PTPN4: variants seen among roughly 807,000 people sequenced by gnomAD.
PTPN4 encodes the protein protein tyrosine phosphatase non-receptor type 4.
Under a neutral mutation model 135.5 loss-of-function variants are expected in PTPN4, and 49 were observed. The observed-to-expected ratio is 0.36, with a 90% CI of 0.29 to 0.46. The LOEUF is 0.46. PTPN4 is among the 20% of genes least tolerant of loss of function. The pLI is 1.00. For synonymous variants in PTPN4, 333 were observed against 369.9 expected, an observed-to-expected ratio of 0.90 and a Z score of 1.14; for missense variants, 860 against 1,101.0, an observed-to-expected ratio of 0.78 and a Z score of 3.10.
chr2:119,880,253 T>C (rs1417352127), intron 5 of PTPN4: 6 of 152,214 alleles, frequency 3.9e-5, no homozygotes, highest in Non-Finnish European at 7.3e-5. Flanking sequence ...ACTTGAATTC[T>C]GGTTTCTACT....
chr2:119,884,376 G>A (rs986585826), intron 8 of PTPN4, among the ~76,000 whole-genome samples: 2 of 152,174 alleles, frequency 1.3e-5, no homozygotes, highest in African/African-American at 4.8e-5. Context: ...TGTTGTCTAT[G>A]GCTGTTTTCG....
Position 119,932,492 on chromosome 2 carries a change from A to G in PTPN4, c.1139A>G (p.Asp380Gly). Reference protein sequence around the residue: ...WEVVSRNSISDDRLETQSLPS... With the variant: ...WEVVSRNSISGDRLETQSLPS... Reference sequence around the variant, plus strand: ...GTAGTAAGCAGAAATTCAATATCTGATGACAGGTTAGAAACACAAAGTCTT... The same window carrying G: ...GTAGTAAGCAGAAATTCAATATCTGGTGACAGGTTAGAAACACAAAGTCTT... Residue 380 changes from aspartate to glycine, a missense_variant, in exon 14 of 27, where the codon GAT becomes GGT. Asp to Gly is a moderately conservative substitution (Grantham distance 94). Transcript: ENST00000263708. 6.2e-7 allele frequency: 1 copy of G among 1,611,896 alleles called. No individual in the cohort carries two copies. Among genetic ancestry groups the G allele is most frequent in the Non-Finnish European group, 8.5e-7 (1 of 1,178,172 alleles).
intron 19 of PTPN4, among the ~76,000 whole-genome samples, chr2:119,954,594 A>C (rs1679254847): frequency 6.6e-6 from 1 of 152,174 alleles, no homozygotes. Context: ...TATGTTAAAA[A>C]ATGGGACTGA....
intron 1 of PTPN4, among the ~76,000 whole-genome samples, chr2:119,785,129 CAGTAGCACT>C (rs1387427185): frequency 2.6e-5 from 4 of 152,138 alleles, no homozygotes; most frequent in Non-Finnish European, 4.4e-5. Context: ...GCACTGGAGC[CAGTAGCACT>C]TTACCCTTCA....
At chr2:119,847,272 A>G (rs552269047) in intron 2 of PTPN4, among the ~76,000 whole-genome samples, 5 of 85,354 alleles carry the variant, frequency 5.9e-5, no homozygotes, top group African/African-American at 2.8e-4. Flanking sequence ...GAGATACTCT[A>G]TATACACACA....
At chr2:119,969,032 T>C (rs549776608) in intron 26 of PTPN4, among the ~76,000 whole-genome samples, 4 of 152,258 alleles carry the variant, frequency 2.6e-5, no homozygotes, top group African/African-American at 9.6e-5. Context: ...TTTTTTGTTT[T>C]TGTTTTGTGA....
intron 1 of PTPN4, among the ~76,000 whole-genome samples, chr2:119,786,478 G>T (rs1691049758): frequency 6.6e-6 from 1 of 152,156 alleles, no homozygotes; most frequent in African/African-American, 2.4e-5. Context: ...AGCTGTAGTG[G>T]CTCAACTGAA....
At chr2:119,849,790 C>T (rs915512943) in intron 2 of PTPN4, among the ~76,000 whole-genome samples, 5 of 152,218 alleles carry the variant, frequency 3.3e-5, no homozygotes, top group Non-Finnish European at 7.3e-5. Flanking sequence ...AGTGGTTTAT[C>T]AGGGCTCTGT....
At chr2:119,931,233 C>T (rs979052601) in intron 13 of PTPN4, among the ~76,000 whole-genome samples, 1 of 151,998 alleles carries the variant, frequency 6.6e-6, no homozygotes, top group African/African-American at 2.4e-5. Context: ...TTCGCCTCCA[C>T]ATTAACTCTG....
chr2:119,787,409 T>G (rs1197892331), intron 1 of PTPN4, among the ~76,000 whole-genome samples: 1 of 152,162 alleles, frequency 6.6e-6, no homozygotes, highest in Non-Finnish European at 1.5e-5. Context: ...TTAAGTAGTA[T>G]TCTTATTAAT....
At chr2:119,798,754 T>G (rs544578498) in intron 1 of PTPN4, among the ~76,000 whole-genome samples, 1 of 152,362 alleles carries the variant, frequency 6.6e-6, no homozygotes, top group East Asian at 1.9e-4. Flanking sequence ...TATATTTATT[T>G]GGATAGATTA....
intron 5 of PTPN4, among the ~76,000 whole-genome samples, chr2:119,880,359 C>T (rs1678052627): frequency 6.6e-6 from 1 of 152,014 alleles, no homozygotes; most frequent in Non-Finnish European, 1.5e-5. Flanking sequence ...AATATTATGG[C>T]AAGGATATGC....
intron 10 of PTPN4, among the ~76,000 whole-genome samples, chr2:119,902,567 C>A (rs1678421766): frequency 6.6e-6 from 1 of 152,164 alleles, no homozygotes; most frequent in Admixed American, 6.5e-5. Flanking sequence ...AGGACCAGAT[C>A]AGCAAGTAGA....
At chr2:119,807,335 C>T (rs1157205486) in intron 1 of PTPN4, among the ~76,000 whole-genome samples, 1 of 151,860 alleles carries the variant, frequency 6.6e-6, no homozygotes, top group Non-Finnish European at 1.5e-5. Context: ...GCTAGCCAGA[C>T]TAATAAAGAA....
chr2:119,927,804 T>C (rs1678847533), intron 13 of PTPN4, among the ~76,000 whole-genome samples: 1 of 152,226 alleles, frequency 6.6e-6, no homozygotes. Flanking sequence ...TTGCTTTTGA[T>C]TTCACTTTGT....
intron 1 of PTPN4, among the ~76,000 whole-genome samples, chr2:119,769,299 G>C (rs1390011066): frequency 1.3e-5 from 2 of 152,230 alleles, no homozygotes; most frequent in East Asian, 1.9e-4. Flanking sequence ...GAATTTGACT[G>C]TTGGAAAGTT....
chr2:119,964,328 A>G (rs1367554629), intron 24 of PTPN4, among the ~76,000 whole-genome samples: 2 of 152,224 alleles, frequency 1.3e-5, no homozygotes, highest in Non-Finnish European at 2.9e-5. Context: ...TGGCAGAGTC[A>G]AGATTTGAAC....
intron 1 of PTPN4, among the ~76,000 whole-genome samples, chr2:119,772,465 A>T (rs1395601686): frequency 6.6e-6 from 1 of 152,224 alleles, no homozygotes; most frequent in Non-Finnish European, 1.5e-5. Context: ...CTTGACTTAT[A>T]CTGAGGTGAG....
chr2:119,847,795 G>C lies in PTPN4; in HGVS notation c.139-14741G>C, dbSNP rs376770479. On this transcript the variant is annotated intron_variant, in intron 2 of 26. Transcript: ENST00000263708. ...ACAAATACTCTCAGTATTCATTTAT[G>C]TGGAAATGACTATCTTTATTTTGCC... 3.9e-5 allele frequency among the ~76,000 whole-genome samples: 6 copies of C among 152,282 alleles called. No homozygotes were observed. In the South Asian group the frequency reaches 1.0e-3, roughly 26 times the overall value.
Sources: gnomAD v4.1 joint callset for allele counts (sites outside exome capture counted in the v4.1 genomes callset) on GRCh38, gnomAD v4.1.1 for gene constraint, MANE v1.5 for transcripts, NCBI Gene and HGNC (gene_info 2026-07-23, HGNC 2026-07-21) for gene names.